The following ADAM18 variants were observed in gnomAD, a reference collection of about 807,000 sequenced individuals.
ADAM18 encodes the protein ADAM metallopeptidase domain 18.
In ADAM18, 117 loss-of-function variants were observed where a neutral mutation model predicts 94.4. The observed-to-expected ratio is 1.24, with a 90% CI of 1.07 to 1.45. The LOEUF (loss-of-function observed/expected upper bound fraction) is 1.45. Among genes scored for constraint, ADAM18 ranks in the 40% most tolerant of loss-of-function variants. The probability of loss-of-function intolerance (pLI) is 0.00; values close to 1 mark genes in which losing one functional copy is unlikely to be tolerated. For missense variants in ADAM18, 936 were observed against 880.0 expected, an observed-to-expected ratio of 1.06 and a Z score of -0.81; for synonymous variants, 327 against 291.6, an observed-to-expected ratio of 1.12 and a Z score of -1.24.
At chr8:39,602,257 CCT>C (rs1818929409) in intron 2 of ADAM18, among the ~76,000 whole-genome samples, 1 of 151,900 alleles carries the variant, frequency 6.6e-6, no homozygotes, top group Non-Finnish European at 1.5e-5. Flanking sequence ...TTTGGATGAA[CCT>C]CTCTAGTATT....
At chr8:39,728,706 T>C (rs542953662) in intron 19 of ADAM18, among the ~76,000 whole-genome samples, 30 of 152,304 alleles carry the variant, frequency 2.0e-4, no homozygotes, top group African/African-American at 7.0e-4. Flanking sequence ...TGTTTGTAAG[T>C]CAAACAAATA....
chr8:39,598,767 CAA>C (rs111241820), intron 2 of ADAM18, among the ~76,000 whole-genome samples: 6 of 106,302 alleles, frequency 5.6e-5, no homozygotes, highest in Admixed American at 9.9e-5. Flanking sequence ...GACTCCGTCT[CAA>C]AAAAAAAAAA....
chr8:39,723,391 C>A (rs1356876248), intron 18 of ADAM18, among the ~76,000 whole-genome samples: 1 of 151,362 alleles, frequency 6.6e-6, no homozygotes, highest in African/African-American at 2.4e-5. Flanking sequence ...AAGGAAAAAA[C>A]TGATTTGGCA....
chr8:39,663,845 C>G lies in ADAM18; in HGVS notation c.1281C>G (p.Gly427=). The change falls in exon 13 of 20, where the codon GGC becomes GGG. Residue 427 remains glycine (G), a synonymous_variant. Transcript: ENST00000265707. ...ATTATAACACATGTAAACTGAAGGG[C>G]TCAGTAAAATGTGGTTCTGGACCAT... ...CCDYNTCKLK[G]SVKCGSGPCC... is the part of the protein sequence containing the mutation. The G allele has an allele frequency of 6.2e-7, 1 of 1,612,288 alleles. No homozygotes were observed. The highest frequency in any genetic ancestry group is 8.5e-7 in the Non-Finnish European group (1 of 1,179,576).
intron 2 of ADAM18, chr8:39,605,656 T>TA (rs1339756805): frequency 2.6e-5 from 5 of 194,304 alleles, no homozygotes; most frequent in African/African-American, 1.2e-4. Context: ...TTAATAATGC[T>TA]AAAATGCTAA....
intron 12 of ADAM18, among the ~76,000 whole-genome samples, chr8:39,651,247 C>T (rs1384795542): frequency 1.3e-5 from 2 of 152,196 alleles, no homozygotes; most frequent in Non-Finnish European, 2.9e-5. Context: ...CCAAGACGTT[C>T]CATTGCCCAG....
intron 13 of ADAM18, among the ~76,000 whole-genome samples, chr8:39,664,772 T>C (rs1287280457): frequency 1.3e-5 from 2 of 152,140 alleles, no homozygotes; most frequent in African/African-American, 4.8e-5. Flanking sequence ...TTATATATTG[T>C]ACAAGAGTTA....
intron 10 of ADAM18, among the ~76,000 whole-genome samples, chr8:39,639,901 T>A (rs1820188921): frequency 6.6e-6 from 1 of 152,114 alleles, no homozygotes; most frequent in Admixed American, 6.6e-5. Context: ...CTTTGTATTA[T>A]GTGTATCCCT....
Position 39,648,020 on chromosome 8 carries a change from A to C in ADAM18, c.1047-324A>C, listed in dbSNP as rs1051231188. ...AATGAAGGAAGAAAGCTTGAACTAT[A>C]TAACAGAAGAGCACACTATGCAGAG... On this transcript the variant is annotated intron_variant, in intron 11 of 19. Coordinates refer to ENST00000265707, the MANE Select transcript of ADAM18 (RefSeq NM_014237.3). 5.9e-5 allele frequency among the ~76,000 whole-genome samples: 9 copies of C among 152,348 alleles called. No homozygotes were observed. The East Asian group carries it at 1.7e-3, about 29-fold the overall frequency.
chr8:39,586,926 G>A (rs974661575), intron 2 of ADAM18, among the ~76,000 whole-genome samples: 10 of 151,972 alleles, frequency 6.6e-5, no homozygotes, highest in African/African-American at 1.5e-4. Context: ...TAGCAACTAC[G>A]CAGGGCTTGA....
intron 6 of ADAM18, among the ~76,000 whole-genome samples, chr8:39,628,504 G>A (rs542583114): frequency 6.6e-6 from 1 of 151,976 alleles, no homozygotes; most frequent in African/African-American, 2.4e-5. Flanking sequence ...ACTTTCCCAT[G>A]GAAATATAAA....
At chr8:39,629,054 A>G (rs772660990) in intron 6 of ADAM18, among the ~76,000 whole-genome samples, 29 of 152,042 alleles carry the variant, frequency 1.9e-4, no homozygotes, top group Non-Finnish European at 4.0e-4. Flanking sequence ...CCTTCATAAG[A>G]CAGTCAGTGA....
At chr8:39,628,171 A>G (rs1819825695) in intron 6 of ADAM18, among the ~76,000 whole-genome samples, 1 of 151,986 alleles carries the variant, frequency 6.6e-6, no homozygotes, top group Non-Finnish European at 1.5e-5. Flanking sequence ...TTTCAGTTTG[A>G]GCAATAAGTT....
Position 39,680,172 on chromosome 8 carries a change from A to G in ADAM18, c.1767A>G (p.Ser589=), listed in dbSNP as rs139146112. The change falls in exon 16 of 20, where the codon TCA becomes TCG. Residue 589 remains serine, a synonymous_variant. Transcript: ENST00000265707. Reference sequence around the variant, plus strand: ...TAGCCACTGGTTCCTCCATGAGATCAGATGGAACAGACAATGCCTATGTGG... The same window carrying G: ...TAGCCACTGGTTCCTCCATGAGATCGGATGGAACAGACAATGCCTATGTGG... The part of the protein sequence containing the change: ...VSIATGSSMR[S]DGTDNAYVAD... 3 of 1,613,756 alleles carry G rather than the reference A, an allele frequency of 1.9e-6. No homozygotes were observed. Among genetic ancestry groups the G allele is most frequent in the Non-Finnish European group, 2.5e-6 (3 of 1,179,878 alleles).
rs1349162209 is a variant in ADAM18, at chr8:39,637,547, A to G, written c.671A>G (p.Gln224Arg). 1 of 1,609,054 alleles carries G rather than the reference A, an allele frequency of 6.2e-7. No individual in the cohort carries two copies. The highest frequency in any genetic ancestry group is 8.5e-7 in the Non-Finnish European group (1 of 1,177,632). The change falls in exon 9 of 20, where the codon CAG becomes CGG. Residue 224 changes from glutamine (Q) to arginine (R), a missense_variant. Physicochemically the swap from Gln to Arg is conservative, Grantham distance 43 (BLOSUM62 1). Coordinates refer to ENST00000265707, the MANE Select transcript of ADAM18 (RefSeq NM_014237.3). Reference protein sequence around the residue: ...VIGLVNTMFTQFKLTVILSSL... With the variant: ...VIGLVNTMFTRFKLTVILSSL... Reference sequence around the variant, plus strand: ...ACATCTTATTTTTAGATGTTTACCCAGTTCAAATTGACTGTTATACTGTCT... The same window carrying G: ...ACATCTTATTTTTAGATGTTTACCCGGTTCAAATTGACTGTTATACTGTCT...
chr8:39,679,978 T>A, intron 15 of ADAM18, 59 bp from the exon 16 acceptor site: 1 of 1,544,904 alleles, frequency 6.5e-7, no homozygotes, highest in Non-Finnish European at 8.9e-7. Context: ...AGTACTCACT[T>A]GGAACTTGTT....
intron 12 of ADAM18, among the ~76,000 whole-genome samples, chr8:39,655,021 A>G (rs1455995107): frequency 6.6e-6 from 1 of 152,052 alleles, no homozygotes; most frequent in African/African-American, 2.4e-5. Flanking sequence ...CATTTGCTGT[A>G]CAGAAGCTTT....
At chr8:39,589,394 T>C (rs553328022) in intron 2 of ADAM18, among the ~76,000 whole-genome samples, 1 of 152,326 alleles carries the variant, frequency 6.6e-6, no homozygotes, top group South Asian at 2.1e-4. Flanking sequence ...TAAGTTGTCA[T>C]GGTAAGGTTG....
chr8:39,636,591 A>G (rs1175241577), intron 7 of ADAM18, among the ~76,000 whole-genome samples: 1 of 152,160 alleles, frequency 6.6e-6, no homozygotes, highest in Admixed American at 6.6e-5. Context: ...TAAGATGTAT[A>G]CATCATAATG....
Sources: gnomAD v4.1 joint callset for allele counts (sites outside exome capture counted in the v4.1 genomes callset) on GRCh38, gnomAD v4.1.1 for gene constraint, MANE v1.5 for transcripts, NCBI Gene and HGNC (gene_info 2026-07-23, HGNC 2026-07-21) for gene names.